The following KIF21B variants were observed in gnomAD, a reference collection of about 807,000 sequenced individuals.
KIF21B encodes kinesin-like protein KIF21B.
In KIF21B, 85 loss-of-function variants were observed where a neutral mutation model predicts 192.9. The ratio of observed to expected loss-of-function variants is 0.44; its 90% CI spans 0.37 to 0.53. The LOEUF is 0.53. KIF21B is among the 20% of genes least tolerant of loss of function. KIF21B has a pLI of 0.00. For synonymous variants in KIF21B, 832 were observed against 884.6 expected (o/e 0.94, Z 1.05); for missense variants, 1,716 against 2,194.8 (o/e 0.78, Z 4.36).
chr1:201,018,171 C>T (rs915062063), intron 1 of KIF21B, among the ~76,000 whole-genome samples: 2 of 152,216 alleles, frequency 1.3e-5, no homozygotes, highest in African/African-American at 2.4e-5. Context: ...ACCTAGCACA[C>T]ATGGGGTTCC....
chr1:201,014,782 C>T (rs941108205), intron 1 of KIF21B, among the ~76,000 whole-genome samples: 5 of 152,232 alleles, frequency 3.3e-5, no homozygotes, highest in African/African-American at 1.2e-4. Context: ...ACTGAGGTCC[C>T]CATTGGTGCA....
In KIF21B at chr1:200,998,761, G is replaced by T. The variant is rs1657246687; in HGVS notation, c.1886-186C>A. On this transcript the variant is annotated intron_variant, in intron 13 of 34. Coordinates refer to ENST00000461742, the MANE Select transcript of KIF21B (RefSeq NM_001252102.2). The surrounding 1 kb of genome is among the most constrained non-coding windows in gnomAD (Gnocchi z 4.3). ...GGCCAGAAGGAGGAACACATTTAAA[G>T]AGCAGTTCCAGAAAGGCAAGGTAGG... Among the ~76,000 whole-genome samples, 1 of 152,116 alleles carries T rather than the reference G, an allele frequency of 6.6e-6. No homozygotes were observed. Among genetic ancestry groups the T allele is most frequent in the Non-Finnish European group, 1.5e-5 (1 of 68,026 alleles).
chr1:201,011,549 T>C (rs1396867862), intron 1 of KIF21B, among the ~76,000 whole-genome samples: 1 of 152,192 alleles, frequency 6.6e-6, no homozygotes, highest in Non-Finnish European at 1.5e-5. Flanking sequence ...GAACATCTCA[T>C]ATATGCAGGG....
At chr1:201,009,072 T>C (rs1658084941) in intron 2 of KIF21B, 121 bp from the exon 3 acceptor site, 11 of 1,292,798 alleles carry the variant, frequency 8.5e-6, no homozygotes, top group East Asian at 2.4e-5. Flanking sequence ...TGCTGCTTTC[T>C]TGGTCCTGAA....
chr1:200,976,844 G>C lies in KIF21B; in HGVS notation c.4375C>G (p.Leu1459Val). 1 of 1,613,814 alleles carries C rather than the reference G, an allele frequency of 6.2e-7. No individual in the cohort carries two copies. ...LTGHIGPVMC[L>V]TVTQTASQHD... ...TGGCTGGCCGTCTGGGTGACCGTCA[G>C]GCACATCACAGGGCCGATGTGGCCA... The change falls in exon 32 of 35, where the codon CTG becomes GTG. Residue 1459 changes from leucine (L) to valine (V), a missense_variant. By Grantham distance (32) the Leu-to-Val change is conservative (BLOSUM62 1). Coordinates refer to ENST00000461742, the MANE Select transcript of KIF21B (RefSeq NM_001252102.2).
chr1:200,983,707 G>GC (rs1024352152), intron 27 of KIF21B, among the ~76,000 whole-genome samples: 3 of 152,316 alleles, frequency 2.0e-5, no homozygotes, highest in Non-Finnish European at 4.4e-5. Context: ...GCACAGCCCT[G>GC]CCCCAATCCT....
Position 200,999,956 on chromosome 1 carries a change from T to C in KIF21B, c.1694A>G (p.Lys565Arg), listed in dbSNP as rs1297441204. Residue 565 changes from lysine (K) to arginine (R), a missense_variant, in exon 12 of 35, where the codon AAG becomes AGG. Physicochemically the swap from Lys to Arg is conservative, Grantham distance 26 (BLOSUM62 2). This residue lies in a region of KIF21B where 1,087 missense variants were observed against 1,316.6 expected (regional missense o/e 0.83). Coordinates refer to ENST00000461742, the MANE Select transcript of KIF21B (RefSeq NM_001252102.2). The surrounding 1 kb of genome is among the most constrained non-coding windows in gnomAD (Gnocchi z 4.7). ...EVRQRRKSPEKEAFKKRAKLQ... is the reference protein window; with the variant it reads ...EVRQRRKSPEREAFKKRAKLQ... ...TTTTGCCCTCTTTTTGAAGGCTTCC[T>C]TCTCGGGGCTGCTCAGGGAGGACAG... The C allele has an allele frequency of 3.7e-6, 6 of 1,613,706 alleles. No individual in the cohort carries two copies. The highest frequency in any genetic ancestry group is 5.1e-6 in the Non-Finnish European group (6 of 1,179,972).
Position 201,004,404 on chromosome 1 carries a change from C to T in KIF21B, c.952G>A (p.Val318Met). The change falls in exon 7 of 35, where the codon GTG (valine) becomes ATG (methionine). Residue 318 changes from valine to methionine, a missense_variant. By Grantham distance (21) the Val-to-Met change is conservative (BLOSUM62 1). Transcript: ENST00000461742. The stretch of plus-strand genomic sequence containing the variant: ...TTGGAGTCCCTGTAGGGAACGTGCA[C>T]CACCTTCTTGCTCTGGTCCCCTAAG... ...SALGDQSKKV[V>M]HVPYRDSKLT... 1 of 1,582,754 alleles carries T rather than the reference C, an allele frequency of 6.3e-7. No homozygotes were observed. The highest frequency in any genetic ancestry group is 8.6e-7 in the Non-Finnish European group (1 of 1,163,676).
At chr1:200,985,155 A>T (rs1656203578) in intron 26 of KIF21B, among the ~76,000 whole-genome samples, 183 bp from the exon 27 acceptor site, 1 of 152,174 alleles carries the variant, frequency 6.6e-6, no homozygotes, top group South Asian at 2.1e-4. Context: ...AATCCTCATC[A>T]TTCACAGATT....
At chr1:200,992,892 T>A (rs112403773) in intron 15 of KIF21B, among the ~76,000 whole-genome samples, 8 of 152,316 alleles carry the variant, frequency 5.3e-5, no homozygotes, top group African/African-American at 1.9e-4. Flanking sequence ...GGCACCCTCC[T>A]CATGACAATC....
At chr1:200,991,586 A>G in intron 17 of KIF21B, 71 bp downstream of exon 17, 2 of 1,465,972 alleles carry the variant, frequency 1.4e-6, no homozygotes, top group Non-Finnish European at 9.5e-7. Context: ...AAGAGAAGGC[A>G]AGCAATGCAC....
At chr1:201,007,797 TAGAC>T (rs1657997897) in intron 3 of KIF21B, among the ~76,000 whole-genome samples, 1 of 144,874 alleles carries the variant, frequency 6.9e-6, no homozygotes, top group Non-Finnish European at 1.5e-5. Context: ...CACAGACACA[TAGAC>T]ACACACATAG....
At chr1:200,974,639 A>C in intron 34 of KIF21B, 75 bp downstream of exon 34, 1 of 1,475,792 alleles carries the variant, frequency 6.8e-7, no homozygotes, top group Non-Finnish European at 9.2e-7. Context: ...CAGGGCCCTG[A>C]GCCTCCCAGC....
At position 200,988,498 on chromosome 1, in the gene KIF21B, C is replaced by G. The variant is rs966273606; in HGVS notation, c.3345G>C (p.Glu1115Asp). 2.0e-5 allele frequency: 32 copies of G among 1,588,808 alleles called. 1 individual carries two copies. The Middle Eastern group carries it at 1.2e-3, about 59-fold the overall frequency. The change falls in exon 23 of 35, where the codon GAG (glutamate) becomes GAC (aspartate). Residue 1115 changes from glutamate (E) to aspartate (D), a missense_variant. Physicochemically the swap from Glu to Asp is conservative, Grantham distance 45 (BLOSUM62 2). Around this residue, in one of 3 missense-constraint regions of KIF21B, gnomAD observed 580 missense variants for 775.5 expected, o/e 0.75. Transcript: ENST00000461742. ...CTCCCAGCTTGCAAACTCACCTGCC[C>G]TCAGAGAACTCTGAGATCTCCTCAT... ...STDEEISEFS[E>D]GSFSQSFTMK...
chr1:201,014,645 G>A (rs1658408053), intron 1 of KIF21B, among the ~76,000 whole-genome samples: 1 of 152,214 alleles, frequency 6.6e-6, no homozygotes, highest in Non-Finnish European at 1.5e-5. Context: ...AGCCCTCCCA[G>A]GAGCTCTGCC....
chr1:200,981,126 C>T, intron 28 of KIF21B, 30 bp from the exon 29 acceptor site: 1 of 1,570,778 alleles, frequency 6.4e-7, no homozygotes, highest in Non-Finnish European at 8.6e-7. Context: ...AGAAGGCATG[C>T]TCGTCAGCCA....
At chr1:201,012,290 G>T (rs1658280158) in intron 1 of KIF21B, among the ~76,000 whole-genome samples, 1 of 152,202 alleles carries the variant, frequency 6.6e-6, no homozygotes, top group Non-Finnish European at 1.5e-5. Context: ...AGACAGGGGG[G>T]CATGGACCCT....
At chr1:201,005,212 C>A (rs1657740793) in intron 5 of KIF21B, 96 bp downstream of exon 5, 3 of 1,457,656 alleles carry the variant, frequency 2.1e-6, no homozygotes, top group Non-Finnish European at 2.7e-6. Flanking sequence ...CAGCCTCAAT[C>A]TGGTTTGCTA....
In KIF21B at chr1:201,023,076, T is replaced by C. The variant is rs1658946562; in HGVS notation, c.41+267A>G. On this transcript the variant is annotated intron_variant, in intron 1 of 34. Transcript: ENST00000461742. This position sits in a 1 kb window ranked among gnomAD's most constrained non-coding sequence, Gnocchi z 5.9. ...GGGTGTGAAATACCGGATTTCCTTGTTTATTCGATTTTCTGATCATTAAGG... is the reference window on the plus strand; with the variant it reads ...GGGTGTGAAATACCGGATTTCCTTGCTTATTCGATTTTCTGATCATTAAGG... Among the ~76,000 whole-genome samples, 4 of 152,218 alleles carry C rather than the reference T, an allele frequency of 2.6e-5. No homozygotes were observed.
Sources: gnomAD v4.1 joint callset for allele counts (sites outside exome capture counted in the v4.1 genomes callset) on GRCh38, gnomAD v4.1.1 for gene constraint, gnomAD v4.1.1 regional missense constraint, Gnocchi (gnomAD v3.1) non-coding constraint, MANE v1.5 for transcripts, NCBI Gene and HGNC (gene_info 2026-07-23, HGNC 2026-07-21) for gene names.